ACVR2A: variants seen among roughly 807,000 people sequenced by gnomAD.
ACVR2A encodes the protein activin receptor type-2A.
Under a neutral mutation model 61.4 loss-of-function variants are expected in ACVR2A, and 7 were observed. The observed-to-expected ratio is 0.11, with a 90% CI of 0.06 to 0.21. The LOEUF (loss-of-function observed/expected upper bound fraction) is 0.21. ACVR2A is among the 10% of genes least tolerant of loss of function. The pLI is 1.00. For missense variants in ACVR2A, 322 were observed against 621.7 expected (o/e 0.52, Z 5.13); for synonymous variants, 193 against 208.3 (o/e 0.93, Z 0.63).
rs552802238 is a variant in ACVR2A, at chr2:147,912,374, G to T, written c.529-2817G>T. On this transcript the variant is annotated intron_variant, in intron 4 of 10. Transcript: ENST00000241416. The stretch of plus-strand genomic sequence containing the variant: ...GCAAAATAGCATGGATGTTGTAAGA[G>T]AACTGGAAATTTAGGGAAGTTTTTA... 3.9e-5 allele frequency among the ~76,000 whole-genome samples: 6 copies of T among 152,072 alleles called. No homozygotes were observed. In the South Asian group the frequency reaches 1.2e-3, roughly 32 times the overall value.
chr2:147,919,356 T>C (rs543545873), intron 7 of ACVR2A, among the ~76,000 whole-genome samples: 28 of 152,294 alleles, frequency 1.8e-4, no homozygotes, highest in Non-Finnish European at 3.1e-4. Flanking sequence ...CTTTCTTACA[T>C]GCAGTCTATT....
chr2:147,897,622 T>A (rs1686770756), intron 2 of ACVR2A, among the ~76,000 whole-genome samples: 2 of 152,208 alleles, frequency 1.3e-5, no homozygotes, highest in Non-Finnish European at 2.9e-5. Flanking sequence ...GGATCACTTT[T>A]GAGAGCCTCA....
chr2:147,895,586 A>G (rs76206442), intron 1 of ACVR2A, among the ~76,000 whole-genome samples: 512 of 152,322 alleles, frequency 3.4e-3, no homozygotes, highest in East Asian at 8.3e-3. Context: ...TGTTTGATAC[A>G]TACCATAGAT....
At chr2:147,871,839 C>T (rs1686027201) in intron 1 of ACVR2A, among the ~76,000 whole-genome samples, 1 of 152,068 alleles carries the variant, frequency 6.6e-6, no homozygotes, top group Middle Eastern at 3.2e-3. Context: ...TTTTAATCGA[C>T]ATCTTGTTAA....
intron 7 of ACVR2A, among the ~76,000 whole-genome samples, chr2:147,918,900 T>G (rs1261105656): frequency 1.3e-5 from 2 of 152,098 alleles, no homozygotes; most frequent in Non-Finnish European, 2.9e-5. Context: ...ACATGATTTA[T>G]CAATAGGGAT....
At chr2:147,844,987 T>TTAAA, upstream of ACVR2A, 1 of 392,500 alleles carries the variant, frequency 2.5e-6, no homozygotes, top group Non-Finnish European at 4.4e-6. Flanking sequence ...TTTTTTTTTT[T>TTAAA]AACCCAGTGA....
Position 147,927,352 on chromosome 2 carries a change from A to C in ACVR2A, c.*78A>C. 1 of 1,317,168 alleles carries C rather than the reference A, an allele frequency of 7.6e-7. No homozygotes were observed. Among genetic ancestry groups the C allele is most frequent in the Non-Finnish European group, 1.0e-6 (1 of 962,652 alleles). 81.6% of individuals were successfully genotyped at this position (1,317,168 alleles called of 1,614,324 possible). ...AAGCTAAAGAAACTGCTTACAGTTT[A>C]TTTTCTGTGTAAAATGAGTAGGATG... On this transcript the variant is annotated 3_prime_UTR_variant, in exon 11 of 11. Coordinates refer to ENST00000241416, the MANE Select transcript of ACVR2A (RefSeq NM_001616.5).
At position 147,878,755 on chromosome 2, in the gene ACVR2A, C is replaced by CA. The variant is rs201797132; in HGVS notation, c.56-17538dup. Among the ~76,000 whole-genome samples, 598 of 151,360 alleles carry CA rather than the reference C, an allele frequency of 4.0e-3. 4 individuals carry two copies. The highest frequency in any genetic ancestry group is 0.013 in the African/African-American group (550 of 41,280). On this transcript the variant is annotated intron_variant, in intron 1 of 10. Transcript: ENST00000241416. ...AAAACCCTGTCTCTACAAAAAAATA[C>CA]AAAAAAAAGCCGGTGTGGTGGCAGC... is the stretch of plus-strand genomic sequence containing the variant.
chr2:147,880,290 G>T (rs1005480132), intron 1 of ACVR2A, among the ~76,000 whole-genome samples: 1 of 152,058 alleles, frequency 6.6e-6, no homozygotes. Flanking sequence ...TCACACCTCT[G>T]CCTTCCAAAG....
At chr2:147,901,233 CAA>C (rs1686865831) in intron 4 of ACVR2A, among the ~76,000 whole-genome samples, 1 of 151,932 alleles carries the variant, frequency 6.6e-6, no homozygotes, top group South Asian at 2.1e-4. Context: ...GTTTTAGTAT[CAA>C]AATTTAGAAG....
intron 1 of ACVR2A, among the ~76,000 whole-genome samples, chr2:147,847,558 T>C (rs1465757188): frequency 6.6e-6 from 1 of 152,084 alleles, no homozygotes; most frequent in Non-Finnish European, 1.5e-5. Flanking sequence ...TTGTTCCAGG[T>C]GTTTAGGAGG....
chr2:147,927,042 C>T (rs1319016975), intron 10 of ACVR2A, 38 bp from the exon 11 acceptor site: 1 of 1,576,104 alleles, frequency 6.3e-7, no homozygotes, highest in Non-Finnish European at 8.6e-7. Flanking sequence ...AAAACAAAAA[C>T]TGCTGTGGCG....
At chr2:147,903,396 T>C (rs1351614006) in intron 4 of ACVR2A, among the ~76,000 whole-genome samples, 1 of 151,880 alleles carries the variant, frequency 6.6e-6, no homozygotes, top group Admixed American at 6.6e-5. Context: ...TTCATCCTGA[T>C]TGATCCTATT....
At chr2:147,915,107 A>G (rs533374562) in intron 4 of ACVR2A, 84 bp from the exon 5 acceptor site, 1 of 1,320,544 alleles carries the variant, frequency 7.6e-7, no homozygotes, top group African/African-American at 1.5e-5. Flanking sequence ...TTGACTTTTC[A>G]GTATACTCAC....
intron 1 of ACVR2A, among the ~76,000 whole-genome samples, chr2:147,853,078 A>G (rs920852442): frequency 6.6e-6 from 1 of 152,164 alleles, no homozygotes; most frequent in Non-Finnish European, 1.5e-5. Flanking sequence ...AGACTAAGGT[A>G]GAATGGTAGC....
At chr2:147,905,035 T>C (rs977265169) in intron 4 of ACVR2A, among the ~76,000 whole-genome samples, 1 of 152,028 alleles carries the variant, frequency 6.6e-6, no homozygotes, top group Admixed American at 6.6e-5. Flanking sequence ...AATTAAAAAG[T>C]TAATTATAAA....
intron 4 of ACVR2A, among the ~76,000 whole-genome samples, chr2:147,901,501 C>G (rs1686870919): frequency 6.6e-6 from 1 of 151,832 alleles, no homozygotes; most frequent in Non-Finnish European, 1.5e-5. Flanking sequence ...AGGGTTTGGA[C>G]TTTTAAAAAG....
chr2:147,886,573 C>A (rs745582467), intron 1 of ACVR2A, among the ~76,000 whole-genome samples: 3 of 152,120 alleles, frequency 2.0e-5, no homozygotes, highest in Non-Finnish European at 4.4e-5. Context: ...ATATTGTCAT[C>A]TTAATCAGAA....
intron 1 of ACVR2A, among the ~76,000 whole-genome samples, chr2:147,886,488 C>A (rs918040885): frequency 6.6e-6 from 1 of 152,134 alleles, no homozygotes; most frequent in South Asian, 2.1e-4. Flanking sequence ...CGAAACAGTT[C>A]TTATTTTTCT....
Sources: gnomAD v4.1 joint callset for allele counts (sites outside exome capture counted in the v4.1 genomes callset) on GRCh38, gnomAD v4.1.1 for gene constraint, MANE v1.5 for transcripts, NCBI Gene and HGNC (gene_info 2026-07-23, HGNC 2026-07-21) for gene names.